Variants in TOM1 observed in about 807,000 individuals in gnomAD.
TOM1 encodes target of myb1 membrane trafficking protein.
In TOM1, 38 loss-of-function variants were observed where a neutral mutation model predicts 61.3. That is an observed-to-expected ratio of 0.62 (90% CI 0.48 to 0.81). TOM1 has a LOEUF of 0.81. TOM1 is among the 40% of genes least tolerant of loss of function. TOM1 has a pLI of 0.00. For missense variants in TOM1, 591 were observed against 659.6 expected, an observed-to-expected ratio of 0.90 and a Z score of 1.14; for synonymous variants, 270 against 268.8, an observed-to-expected ratio of 1.00 and a Z score of -0.04.
intron 2 of TOM1, 66 bp downstream of exon 2, chr22:35,318,027 A>C: frequency 7.3e-7 from 1 of 1,374,600 alleles, no homozygotes. Context: ...ACACTCCTGC[A>C]CCCTTCCAGG....
intron 8 of TOM1, 122 bp from the exon 9 acceptor site, chr22:35,332,859 A>C (rs1928956773): frequency 1.0e-6 from 1 of 986,816 alleles, no homozygotes; most frequent in African/African-American, 1.6e-5. Context: ...CAGACGTGTC[A>C]TCACCCTGAT....
rs543417023 is a variant in TOM1 at position 35,300,297 on chromosome 22, G to A, written c.52+317G>A. Reference sequence around the variant, plus strand: ...AGGGAGAAAGTTTTCGTGGTTAAAGGGACTGCGTGGTTGGCAGTGGCTGGG... The same window carrying A: ...AGGGAGAAAGTTTTCGTGGTTAAAGAGACTGCGTGGTTGGCAGTGGCTGGG... On this transcript the variant is annotated intron_variant, in intron 1 of 14. Transcript: ENST00000449058. 3.5e-4 allele frequency among the ~76,000 whole-genome samples: 54 copies of A among 152,376 alleles called. No individual in the cohort carries two copies. In the Middle Eastern group the frequency reaches 0.024, roughly 67 times the overall value.
At chr22:35,339,193 T>C (rs373562278) in intron 12 of TOM1, among the ~76,000 whole-genome samples, 13 of 152,192 alleles carry the variant, frequency 8.5e-5, no homozygotes, top group African/African-American at 3.1e-4. Context: ...TAGCTGGGCG[T>C]GGTGGCACAT....
intron 12 of TOM1, 74 bp downstream of exon 12, chr22:35,338,862 C>A: frequency 7.2e-7 from 1 of 1,383,152 alleles, no homozygotes; most frequent in Non-Finnish European, 9.6e-7. Flanking sequence ...CACTGGGTGC[C>A]GTTGTGGGCC....
intron 12 of TOM1, among the ~76,000 whole-genome samples, chr22:35,343,736 C>CACACCTACACACACACCACATGCATCT (rs755397578): frequency 0.18 from 24,491 of 138,004 alleles, 2,414 homozygotes; most frequent in East Asian, 0.41. Context: ...CTACACCCAC[C>CACACCTACACACACACCACATGCATCT]ACACCTACAC....
intron 1 of TOM1, among the ~76,000 whole-genome samples, chr22:35,301,398 G>GGTCT (rs1925770768): frequency 6.6e-6 from 1 of 152,150 alleles, no homozygotes; most frequent in Non-Finnish European, 1.5e-5. Context: ...CTTGGCAGTA[G>GGTCT]ATCTCATAGG....
At chr22:35,321,695 G>A (rs546576470) in intron 2 of TOM1, 19 of 564,334 alleles carry the variant, frequency 3.4e-5, no homozygotes, top group South Asian at 2.0e-4. Context: ...CACCGCGCCC[G>A]GCCAGGTTCT....
intron 1 of TOM1, among the ~76,000 whole-genome samples, chr22:35,309,627 G>A (rs1926641989): frequency 7.3e-6 from 1 of 137,518 alleles, no homozygotes; most frequent in Non-Finnish European, 1.6e-5. Flanking sequence ...CTGGGCAACA[G>A]AGTGAGACTC....
intron 1 of TOM1, among the ~76,000 whole-genome samples, chr22:35,300,343 G>C: frequency 6.6e-6 from 1 of 152,218 alleles, no homozygotes; most frequent in East Asian, 1.9e-4. Context: ...GGGTCCCGCC[G>C]CCTGGGCTCT....
At chr22:35,301,943 C>T (rs1448400007) in intron 1 of TOM1, among the ~76,000 whole-genome samples, 1 of 152,176 alleles carries the variant, frequency 6.6e-6, no homozygotes, top group African/African-American at 2.4e-5. Flanking sequence ...AGACTTACTA[C>T]TTAAAAATAA....
At chr22:35,321,112 G>A (rs1927741090) in intron 2 of TOM1, among the ~76,000 whole-genome samples, 1 of 151,994 alleles carries the variant, frequency 6.6e-6, no homozygotes, top group Non-Finnish European at 1.5e-5. Context: ...CATATTGGGA[G>A]GCCGAGGTGG....
chr22:35,319,578 G>A lies in TOM1; in HGVS notation c.137+1617G>A, dbSNP rs541744792. 3.9e-5 allele frequency among the ~76,000 whole-genome samples: 6 copies of A among 152,312 alleles called. No individual in the cohort carries two copies. The South Asian group carries it at 6.2e-4, about 16-fold the overall frequency. On this transcript the variant is annotated intron_variant, in intron 2 of 14. Transcript: ENST00000449058. The stretch of plus-strand genomic sequence containing the variant: ...CGTCCAACAAGGACGCTGTCCCTGC[G>A]CTCTAGGAGGCTTCTTCTCTCCCAG...
intron 3 of TOM1, chr22:35,322,680 G>A (rs1039347684): frequency 4.2e-5 from 10 of 240,422 alleles, no homozygotes; most frequent in East Asian, 1.0e-4. Context: ...CTCACCAGTC[G>A]ATTGACATCT....
At chr22:35,315,726 A>G (rs1241111017) in intron 1 of TOM1, among the ~76,000 whole-genome samples, 2 of 152,198 alleles carry the variant, frequency 1.3e-5, no homozygotes, top group African/African-American at 4.8e-5. Flanking sequence ...TGCAAAACCA[A>G]GGTCTCAGAG....
rs140060230 is a variant in TOM1, at chr22:35,337,311, A to G, written c.1149-1402A>G. Among the ~76,000 whole-genome samples, 722 of 151,446 alleles carry G rather than the reference A, an allele frequency of 4.8e-3. 1 individual carries two copies. Among genetic ancestry groups the G allele is most frequent in the South Asian group, 0.016 (77 of 4,818 alleles). On this transcript the variant is annotated intron_variant, in intron 11 of 14. Coordinates refer to ENST00000449058, the MANE Select transcript of TOM1 (RefSeq NM_005488.3). ...CATGGCTTCTTCAGCCTTGCCCACA[A>G]TGCGCCAAGCATGTCTTAGAGACAG...
rs755663564 is a variant in TOM1 at position 35,323,190 on chromosome 22, A to ACAGGG, written c.366+21_366+25dup. On this transcript the variant is annotated intron_variant, in intron 4 of 14. Transcript: ENST00000449058. The surrounding 1 kb of genome is among the most constrained non-coding windows in gnomAD (Gnocchi z 4.2). Reference sequence around the variant, plus strand: ...CAACCTCATCCAGGTGAGTGCCAGGACAGGGCAGGGCACGGCCAGGAAGAG... The same window carrying ACAGGG: ...CAACCTCATCCAGGTGAGTGCCAGGACAGGGCAGGGCAGGGCACGGCCAGGAAGAG... The ACAGGG allele has an allele frequency of 6.2e-7, 1 of 1,612,930 alleles. No individual in the cohort carries two copies. Among genetic ancestry groups the ACAGGG allele is most frequent in the Admixed American group, 1.7e-5 (1 of 59,990 alleles).
At chr22:35,320,536 T>C (rs922988023) in intron 2 of TOM1, among the ~76,000 whole-genome samples, 3 of 152,168 alleles carry the variant, frequency 2.0e-5, no homozygotes, top group Admixed American at 6.5e-5. Flanking sequence ...CAAGCTCCTC[T>C]GCACCCAAGA....
At chr22:35,337,385 A>T (rs1044755295) in intron 11 of TOM1, among the ~76,000 whole-genome samples, 4 of 152,166 alleles carry the variant, frequency 2.6e-5, no homozygotes, top group Admixed American at 1.3e-4. Flanking sequence ...CTGGGTCAGA[A>T]GTCAGCAACC....
In TOM1 at chr22:35,311,604, G is replaced by A. The variant is rs73402470; in HGVS notation, c.53-6273G>A. ...CCAAAAGTATGTAATGCCCCCCTCT[G>A]CTCTGTTGCACCAGAAGGTGGGCCC... On this transcript the variant is annotated intron_variant, in intron 1 of 14. Coordinates refer to ENST00000449058, the MANE Select transcript of TOM1 (RefSeq NM_005488.3). Among the ~76,000 whole-genome samples, 1,463 of 152,330 alleles carry A rather than the reference G, an allele frequency of 9.6e-3. 16 individuals are homozygous for A. The highest frequency in any genetic ancestry group is 0.033 in the African/African-American group (1,374 of 41,574).
Sources: allele counts gnomAD v4.1 joint callset (sites outside exome capture counted in the v4.1 genomes callset), GRCh38; gene constraint gnomAD v4.1.1; non-coding constraint Gnocchi (gnomAD v3.1); transcripts MANE v1.5; gene names NCBI Gene and HGNC (gene_info 2026-07-23, HGNC 2026-07-21).